PPP1R13B: variants seen among roughly 807,000 people sequenced by gnomAD.
PPP1R13B encodes the protein apoptosis-stimulating of p53 protein 1.
Under a neutral mutation model 119.8 loss-of-function variants are expected in PPP1R13B, and 44 were observed. That is an observed-to-expected ratio of 0.37 (90% CI 0.29 to 0.47). PPP1R13B has a LOEUF of 0.47. Ranked by LOEUF, PPP1R13B falls within the 20% of genes least tolerant of loss-of-function variation. The pLI, the probability that PPP1R13B is intolerant of heterozygous loss-of-function variation, is 0.99. For synonymous variants in PPP1R13B, 542 were observed against 561.5 expected (o/e 0.97, Z 0.49); for missense variants, 1,227 against 1,413.5 (o/e 0.87, Z 2.12).
chr14:103,738,773 G>C lies in PPP1R13B; in HGVS notation c.2770C>G (p.Pro924Ala), dbSNP rs764830994. 5.0e-6 allele frequency: 8 copies of C among 1,614,070 alleles called. No individual in the cohort carries two copies. The highest frequency in any genetic ancestry group is 5.9e-6 in the Non-Finnish European group (7 of 1,180,040). The change falls in exon 14 of 17, where the codon CCA (proline) becomes GCA (alanine). Residue 924 changes from proline to alanine, a missense_variant. Transcript: ENST00000202556. The surrounding 1 kb of genome is among the most constrained non-coding windows in gnomAD (Gnocchi z 5.6). ...CCGGCGCAGACGGCGTTGTGCAGTG[G>C]GGTGATCCCTTCGTCGTTGGGCTTG... ...PSKPNDEGIT[P>A]LHNAVCAGHH...
rs763839819 is a variant in PPP1R13B, at chr14:103,746,400, T to G, written c.1123A>C (p.Asn375His). 8.7e-6 allele frequency: 14 copies of G among 1,611,120 alleles called. No individual in the cohort carries two copies. Among genetic ancestry groups the G allele is most frequent in the Admixed American group, 3.3e-5 (2 of 59,718 alleles). Reference sequence around the variant, plus strand: ...GATTTGGATCTTCCATGAGCAGCATTTGAGGCAATACTGAGAGACTGGGGC... The same window carrying G: ...GATTTGGATCTTCCATGAGCAGCATGTGAGGCAATACTGAGAGACTGGGGC... ...IKPQSLSIAS[N>H]AAHGRSKSAN... The change falls in exon 9 of 17, where the codon AAT (asparagine) becomes CAT (histidine). Residue 375 changes from asparagine (N) to histidine (H), a missense_variant. By Grantham distance (68) the Asn-to-His change is moderately conservative. Coordinates refer to ENST00000202556, the MANE Select transcript of PPP1R13B (RefSeq NM_015316.3).
chr14:103,807,400 G>T lies in PPP1R13B; in HGVS notation c.10-9882C>A, dbSNP rs1009966716. On this transcript the variant is annotated intron_variant, in intron 1 of 16. Transcript: ENST00000202556. ...TCACTAGAACACATAAGCTTCTTGA[G>T]AGCAGAGTTTCAGTTAATTACCTGC... is the stretch of plus-strand genomic sequence containing the variant. Among the ~76,000 whole-genome samples, 3 of 152,186 alleles carry T rather than the reference G, an allele frequency of 2.0e-5. 1 individual carries two copies. The highest frequency in any genetic ancestry group is 7.2e-5 in the African/African-American group (3 of 41,454).
chr14:103,834,118 T>C (rs1288850495), intron 1 of PPP1R13B, among the ~76,000 whole-genome samples: 1 of 152,222 alleles, frequency 6.6e-6, no homozygotes, highest in African/African-American at 2.4e-5. Flanking sequence ...CTCACACCTG[T>C]AATCCCAGCA....
At chr14:103,790,982 G>C (rs1446572583) in intron 2 of PPP1R13B, among the ~76,000 whole-genome samples, 1 of 152,174 alleles carries the variant, frequency 6.6e-6, no homozygotes, top group African/African-American at 2.4e-5. Flanking sequence ...AAAACTTTGT[G>C]AGCTACACAA....
At chr14:103,827,394 T>C (rs2086573097) in intron 1 of PPP1R13B, among the ~76,000 whole-genome samples, 1 of 152,134 alleles carries the variant, frequency 6.6e-6, no homozygotes, top group Non-Finnish European at 1.5e-5. Context: ...AATGAGATTT[T>C]GCAAAAATCT....
chr14:103,801,295 A>AG (rs1319528458), intron 1 of PPP1R13B, among the ~76,000 whole-genome samples: 1 of 152,136 alleles, frequency 6.6e-6, no homozygotes, highest in Non-Finnish European at 1.5e-5. Context: ...GCACTCCTTA[A>AG]GAGTCTAATG....
intron 2 of PPP1R13B, among the ~76,000 whole-genome samples, chr14:103,787,254 G>A (rs2085488913): frequency 1.3e-5 from 2 of 151,030 alleles, no homozygotes. Flanking sequence ...TTCAAGACCA[G>A]CCTGGACAAC....
chr14:103,835,615 TA>T (rs1443007096), intron 1 of PPP1R13B, among the ~76,000 whole-genome samples: 26 of 114,704 alleles, frequency 2.3e-4, no homozygotes, highest in African/African-American at 6.4e-4. Flanking sequence ...TTTATTTATT[TA>T]TTTTTTTTTT....
chr14:103,784,576 C>T (rs1269012046), intron 3 of PPP1R13B, among the ~76,000 whole-genome samples: 1 of 101,806 alleles, frequency 9.8e-6, no homozygotes, highest in South Asian at 3.8e-4. Flanking sequence ...GAGTGAGACT[C>T]TGTCTCCAAA....
intron 4 of PPP1R13B, among the ~76,000 whole-genome samples, chr14:103,773,344 C>G (rs946044066): frequency 1.3e-5 from 2 of 152,096 alleles, no homozygotes; most frequent in African/African-American, 4.8e-5. Flanking sequence ...CTCGAGATAA[C>G]AGAGAATGTT....
At chr14:103,847,743 G>GGTGCGT, upstream of PPP1R13B, 1 of 612,688 alleles carries the variant, frequency 1.6e-6, no homozygotes, top group Non-Finnish European at 2.0e-6. Context: ...GCGGCGGCCA[G>GGTGCGT]GTGCGTGCGC....
At chr14:103,773,388 C>T (rs973455126) in intron 4 of PPP1R13B, among the ~76,000 whole-genome samples, 6 of 152,164 alleles carry the variant, frequency 3.9e-5, no homozygotes, top group African/African-American at 1.4e-4. Context: ...TCCTCAGAAT[C>T]AGTAAATTCA....
chr14:103,796,659 A>C (rs2085764809), intron 2 of PPP1R13B, among the ~76,000 whole-genome samples: 1 of 152,132 alleles, frequency 6.6e-6, no homozygotes, highest in African/African-American at 2.4e-5. Context: ...ATATGTCCAC[A>C]CAAAAACTTG....
intron 1 of PPP1R13B, among the ~76,000 whole-genome samples, chr14:103,804,345 T>C (rs943484309): frequency 1.1e-4 from 17 of 152,206 alleles, no homozygotes; most frequent in Non-Finnish European, 1.8e-4. Context: ...TTTAACATTT[T>C]TACAAACTTG....
At chr14:103,785,293 C>T (rs1055123728) in intron 2 of PPP1R13B, among the ~76,000 whole-genome samples, 1 of 152,188 alleles carries the variant, frequency 6.6e-6, no homozygotes, top group Non-Finnish European at 1.5e-5. Flanking sequence ...CATCTTGGCT[C>T]ACCGCAACCT....
At chr14:103,772,333 T>G (rs548448855) in intron 4 of PPP1R13B, among the ~76,000 whole-genome samples, 1 of 152,238 alleles carries the variant, frequency 6.6e-6, no homozygotes, top group Non-Finnish European at 1.5e-5. Context: ...AGACATTTGC[T>G]TCCATTTCTC....
intron 4 of PPP1R13B, chr14:103,762,818 A>C: frequency 1.1e-6 from 1 of 917,428 alleles, no homozygotes; most frequent in Non-Finnish European, 1.8e-6. Context: ...GAATAAAAAC[A>C]GGAAGGAGAA....
At chr14:103,761,074 G>C (rs2084792072) in intron 4 of PPP1R13B, among the ~76,000 whole-genome samples, 1 of 152,040 alleles carries the variant, frequency 6.6e-6, no homozygotes, top group Non-Finnish European at 1.5e-5. Flanking sequence ...ATGAGTTTCA[G>C]ACCAGCCTGG....
At position 103,738,283 on chromosome 14, in the gene PPP1R13B, C is replaced by T. The variant is rs2084163245; in HGVS notation, c.2864+396G>A. 4 of 273,704 alleles carry T rather than the reference C, an allele frequency of 1.5e-5. No homozygotes were observed. Among genetic ancestry groups the T allele is most frequent in the Middle Eastern group, 1.2e-3 (1 of 850 alleles). The allele number at this position is 273,704 out of a possible 1,614,324, so 17.0% of individuals were successfully genotyped here. A position where few individuals can be genotyped will look rare whatever the true frequency, so the allele number is the denominator to read the frequency against. On this transcript the variant is annotated intron_variant, in intron 14 of 16. Coordinates refer to ENST00000202556, the MANE Select transcript of PPP1R13B (RefSeq NM_015316.3). This position sits in a 1 kb window ranked among gnomAD's most constrained non-coding sequence, Gnocchi z 5.6. The stretch of plus-strand genomic sequence containing the variant: ...ACGCCTCGCCCAGCAGCAGAGCTCC[C>T]GAAGGCAAACGGAATGAACAATGCG...
Sources: allele counts gnomAD v4.1 joint callset (sites outside exome capture counted in the v4.1 genomes callset), GRCh38; gene constraint gnomAD v4.1.1; non-coding constraint Gnocchi (gnomAD v3.1); transcripts MANE v1.5; gene names NCBI Gene and HGNC (gene_info 2026-07-23, HGNC 2026-07-21).